Variants in MMRN1 observed in about 807,000 individuals in gnomAD.
MMRN1 encodes the protein multimerin 1.
MMRN1 carries 94 observed loss-of-function variants against 100.7 expected under a neutral mutation model. That is an observed-to-expected ratio of 0.93 (90% CI 0.79 to 1.11). The LOEUF (loss-of-function observed/expected upper bound fraction) is 1.11. Ranked by LOEUF, MMRN1 falls within the 50% of genes least tolerant of loss-of-function variation. The pLI is 0.00. For synonymous variants in MMRN1, 575 were observed against 505.0 expected (o/e 1.14, Z -1.86); for missense variants, 1,606 against 1,439.1 (o/e 1.12, Z -1.88).
intron 6 of MMRN1, among the ~76,000 whole-genome samples, chr4:89,938,504 T>A: frequency 1.1e-5 from 1 of 94,528 alleles, no homozygotes; most frequent in African/African-American, 5.0e-5. Flanking sequence ...TATATATATA[T>A]ATATATATTT....
At chr4:89,904,760 A>G (rs1246835559) in intron 1 of MMRN1, among the ~76,000 whole-genome samples, 2 of 151,638 alleles carry the variant, frequency 1.3e-5, no homozygotes, top group East Asian at 3.9e-4. Context: ...AAATTAGGGT[A>G]GTGTGCTAGG....
In MMRN1 at chr4:89,953,228, GA is replaced by G. The variant is rs1723240439; in HGVS notation, c.3499del (p.Ile1167Ter). 2 of 1,613,666 alleles carry G rather than the reference GA, an allele frequency of 1.2e-6. No individual in the cohort carries two copies. Among genetic ancestry groups the G allele is most frequent in the African/African-American group, 2.7e-5 (2 of 74,884 alleles). ...AHISGFLVVD[G>X]IDKLAFESEN... ...ATTTCTGGATTTTTAGTGGTTGATG[GA>G]ATAGACAAGCTTGCATTTGAGTCTG... On this transcript the variant is annotated frameshift_variant, in exon 8 of 8. Coordinates refer to ENST00000264790, the MANE Select transcript of MMRN1 (RefSeq NM_007351.3). LOFTEE classifies it high-confidence loss of function.
At chr4:89,925,994 A>T (rs1325888546) in intron 4 of MMRN1, among the ~76,000 whole-genome samples, 1 of 152,106 alleles carries the variant, frequency 6.6e-6, no homozygotes. Flanking sequence ...TCCATTGTGT[A>T]TATATACCAC....
chr4:89,927,124 T>G (rs115690633), intron 4 of MMRN1, among the ~76,000 whole-genome samples: 6,128 of 152,036 alleles, frequency 0.04, 158 homozygotes, highest in Non-Finnish European at 0.059. Context: ...TCTGGGTCTT[T>G]TGTTGTTCCA....
In MMRN1 at chr4:89,935,815, C is replaced by T. The variant is rs750239363; in HGVS notation, c.2135C>T (p.Ala712Val). Residue 712 changes from alanine to valine, a missense_variant, in exon 6 of 8, where the codon GCC becomes GTC. Ala to Val is a moderately conservative substitution (Grantham distance 64, BLOSUM62 0). Transcript: ENST00000264790. The part of the protein sequence containing the change: ...LRNEVQGRDD[A>V]LERRINEYAL... ...AATGAAGTACAGGGTCGTGATGATG[C>T]CTTAGAAAGACGTATCAATGAATAT... is the stretch of plus-strand genomic sequence containing the variant. The T allele has an allele frequency of 1.7e-5, 27 of 1,612,932 alleles. No homozygotes were observed. Among genetic ancestry groups the T allele is most frequent in the East Asian group, 2.2e-5 (1 of 44,802 alleles).
intron 1 of MMRN1, among the ~76,000 whole-genome samples, chr4:89,886,538 A>C (rs1170755248): frequency 6.6e-6 from 1 of 152,074 alleles, no homozygotes; most frequent in Non-Finnish European, 1.5e-5. Flanking sequence ...TGTTCTATGA[A>C]TATCAATTAG....
At position 89,927,811 on chromosome 4, in the gene MMRN1, G is replaced by T. The variant is rs202113048; in HGVS notation, c.972G>T (p.Met324Ile). The T allele has an allele frequency of 3.8e-5, 61 of 1,610,024 alleles. No homozygotes were observed. The highest frequency in any genetic ancestry group is 2.2e-4 in the Admixed American group (13 of 59,302). The stretch of plus-strand genomic sequence containing the variant: ...TATATGCAGAAGTGATGCAAAAAAT[G>T]ACTGATCAGGTGAACTACCAGGCAA... ...GCGDPEVMQK[M>I]TDQVNYQAMK... is the part of the protein sequence containing the mutation. Residue 324 changes from methionine (M) to isoleucine (I), a missense_variant, in exon 5 of 8, where the codon ATG (methionine) becomes ATT (isoleucine). By Grantham distance (10) the Met-to-Ile change is conservative. Transcript: ENST00000264790.
In MMRN1 at chr4:89,953,378, C is replaced by T. The variant is rs1560602449; in HGVS notation, c.3647C>T (p.Pro1216Leu). Reference protein sequence around the residue: ...AKGTIPAKFPPVTTFSGYLLY... With the variant: ...AKGTIPAKFPLVTTFSGYLLY... ...GGAACAATTCCAGCCAAGTTTCCCCCTGTTACTACATTTAGTGGCTATTTA... is the reference window on the plus strand; with the variant it reads ...GGAACAATTCCAGCCAAGTTTCCCCTTGTTACTACATTTAGTGGCTATTTA... Residue 1216 changes from proline (P) to leucine (L), a missense_variant, in exon 8 of 8, where the codon CCT becomes CTT. Coordinates refer to ENST00000264790, the MANE Select transcript of MMRN1 (RefSeq NM_007351.3). The T allele has an allele frequency of 6.2e-7, 1 of 1,612,062 alleles. No individual in the cohort carries two copies. Among genetic ancestry groups the T allele is most frequent in the Admixed American group, 1.7e-5 (1 of 59,760 alleles).
intron 4 of MMRN1, among the ~76,000 whole-genome samples, chr4:89,925,090 A>G (rs2110617553): frequency 6.6e-6 from 1 of 152,020 alleles, no homozygotes; most frequent in African/African-American, 2.4e-5. Flanking sequence ...ACATTGTGCT[A>G]TTAAATAGTA....
chr4:89,950,491 A>T (rs1469598750), intron 6 of MMRN1, among the ~76,000 whole-genome samples: 4 of 152,102 alleles, frequency 2.6e-5, no homozygotes, highest in African/African-American at 4.8e-5. Context: ...CCTTATATTG[A>T]CATGACTGGA....
intron 1 of MMRN1, among the ~76,000 whole-genome samples, chr4:89,888,945 A>T (rs143368439): frequency 6.6e-6 from 1 of 152,034 alleles, no homozygotes; most frequent in African/African-American, 2.4e-5. Flanking sequence ...TCTCTTGACC[A>T]TGAATTACAT....
chr4:89,916,378 AAAC>A (rs755929251), intron 3 of MMRN1, among the ~76,000 whole-genome samples: 2,011 of 122,892 alleles, frequency 0.016, 56 homozygotes, highest in African/African-American at 0.057. Context: ...AAAAAAAAAC[AAAC>A]AAACAAACAA....
At chr4:89,880,264 G>A (rs989586189) in intron 1 of MMRN1, among the ~76,000 whole-genome samples, 1 of 152,126 alleles carries the variant, frequency 6.6e-6, no homozygotes, top group African/African-American at 2.4e-5. Flanking sequence ...CCTCTCAGCT[G>A]CCATATCTTG....
intron 4 of MMRN1, among the ~76,000 whole-genome samples, chr4:89,925,456 AT>A (rs1722221543): frequency 6.8e-6 from 1 of 147,666 alleles, no homozygotes; most frequent in Admixed American, 6.8e-5. Context: ...GTCTCTAACA[AT>A]TTTTTTATAC....
chr4:89,924,802 C>A (rs1055368501), intron 4 of MMRN1, among the ~76,000 whole-genome samples: 8 of 152,066 alleles, frequency 5.3e-5, no homozygotes, highest in Non-Finnish European at 8.8e-5. Flanking sequence ...CAAGATCATG[C>A]CGCTGCACTG....
chr4:89,895,777 A>C (rs115555452), intron 1 of MMRN1, among the ~76,000 whole-genome samples, 183 bp downstream of exon 1: 5 of 152,140 alleles, frequency 3.3e-5, no homozygotes, highest in Admixed American at 6.6e-5. Context: ...AAAAATGAAG[A>C]AATAAAATGC....
upstream of MMRN1, among the ~76,000 whole-genome samples, chr4:89,890,135 T>A (rs1039187634): frequency 1.3e-5 from 2 of 152,052 alleles, no homozygotes; most frequent in African/African-American, 4.8e-5. Context: ...AACAGAAGAA[T>A]GAGGGTTGGG....
chr4:89,936,942 A>T, intron 6 of MMRN1, 144 bp downstream of exon 6: 2 of 682,882 alleles, frequency 2.9e-6, no homozygotes, highest in Non-Finnish European at 4.6e-6. Context: ...GATCACTGAC[A>T]TTATTTAAAT....
At chr4:89,884,452 A>G (rs1720891426) in intron 1 of MMRN1, among the ~76,000 whole-genome samples, 1 of 152,178 alleles carries the variant, frequency 6.6e-6, no homozygotes, top group Non-Finnish European at 1.5e-5. Flanking sequence ...TGATGCCATT[A>G]TAAATGGAAC....
Sources: gnomAD v4.1 joint callset for allele counts (sites outside exome capture counted in the v4.1 genomes callset) on GRCh38, gnomAD v4.1.1 for gene constraint, MANE v1.5 for transcripts, NCBI Gene and HGNC (gene_info 2026-07-23, HGNC 2026-07-21) for gene names.